The following TEX11 variants were observed in gnomAD, a reference collection of about 807,000 sequenced individuals.
TEX11 encodes testis-expressed protein 11.
A neutral mutation model predicts 84.4 loss-of-function variants in TEX11; 7 were observed. That is an observed-to-expected ratio of 0.08 (90% CI 0.05 to 0.16). TEX11 has a LOEUF of 0.16. Among genes scored for constraint, TEX11 ranks in the 10% least tolerant of loss-of-function variants. TEX11 has a pLI of 1.00. For synonymous variants in TEX11, 264 were observed against 222.8 expected, an observed-to-expected ratio of 1.18 and a Z score of -1.64; for missense variants, 551 against 660.5, an observed-to-expected ratio of 0.83 and a Z score of 1.82.
intron 5 of TEX11, chrX:70,857,322 C>T (rs1452454264): frequency 7.9e-6 from 1 of 126,274 alleles, no homozygotes; most frequent in Non-Finnish European, 1.6e-5. Flanking sequence ...GAGAAACTGG[C>T]AAACCTTTAT....
intron 9 of TEX11, among the ~76,000 whole-genome samples, chrX:70,792,888 C>T (rs1253495699): frequency 4.5e-5 from 5 of 110,919 alleles, no homozygotes; most frequent in African/African-American, 1.6e-4. Context: ...GCAGGAACAA[C>T]AAAAAACAAA....
intron 2 of TEX11, among the ~76,000 whole-genome samples, chrX:70,902,409 T>C (rs1487301840): frequency 8.9e-6 from 1 of 111,950 alleles, no homozygotes; most frequent in East Asian, 2.8e-4. Context: ...TACACTACTG[T>C]AGACTTTATA....
chrX:70,712,545 T>G (rs1321065287), intron 13 of TEX11, among the ~76,000 whole-genome samples: 1 of 111,489 alleles, frequency 9.0e-6, no homozygotes, highest in African/African-American at 3.3e-5. Flanking sequence ...TTATTCTCTT[T>G]GAAGCAACTG....
intron 26 of TEX11, 63 bp from the exon 27 acceptor site, chrX:70,553,477 C>G (rs1032934294): frequency 5.4e-6 from 4 of 740,365 alleles, no homozygotes; most frequent in Non-Finnish European, 7.8e-6. Context: ...GTTTTCATCC[C>G]AGGCTACCAC....
chrX:70,776,332 T>A (rs1376847893), intron 9 of TEX11, among the ~76,000 whole-genome samples: 1 of 109,894 alleles, frequency 9.1e-6, no homozygotes, highest in Admixed American at 9.7e-5. Context: ...GGGGCCGAGG[T>A]GGGTGGATTG....
intron 25 of TEX11, among the ~76,000 whole-genome samples, chrX:70,561,789 C>CACAT (rs1171732904): frequency 8.9e-6 from 1 of 112,016 alleles, no homozygotes; most frequent in Non-Finnish European, 1.9e-5. Flanking sequence ...TATATACACA[C>CACAT]ACATACATAC....
chrX:70,880,555 C>T (rs2091677350), intron 2 of TEX11, among the ~76,000 whole-genome samples: 1 of 88,000 alleles, frequency 1.1e-5, no homozygotes, highest in Non-Finnish European at 2.6e-5. Context: ...CAGAGTGAGA[C>T]CCTTTCTCTA....
chrX:70,550,022 AC>A (rs1449760449), intron 28 of TEX11, among the ~76,000 whole-genome samples: 1 of 112,324 alleles, frequency 8.9e-6, no homozygotes, highest in South Asian at 3.7e-4. Flanking sequence ...TGCTTGTATC[AC>A]CCCTCCTCCA....
intron 10 of TEX11, among the ~76,000 whole-genome samples, chrX:70,743,644 G>A (rs2090747981): frequency 9.0e-6 from 1 of 111,260 alleles, no homozygotes; most frequent in Non-Finnish European, 1.9e-5. Context: ...GAGAGGCCAA[G>A]GTGGGCAAAT....
chrX:70,787,366 T>G (rs764093173), intron 9 of TEX11, among the ~76,000 whole-genome samples: 12 of 108,279 alleles, frequency 1.1e-4, no homozygotes, highest in Non-Finnish European at 1.9e-4. Flanking sequence ...GAGTCTAGCT[T>G]TGTCACCAGG....
chrX:70,815,664 C>T (rs986478558), intron 8 of TEX11, among the ~76,000 whole-genome samples: 3 of 110,873 alleles, frequency 2.7e-5, no homozygotes, highest in African/African-American at 3.3e-5. Flanking sequence ...TGGTACTATC[C>T]GCAGTTTCAG....
chrX:70,571,658 C>T (rs2088600991), intron 25 of TEX11, among the ~76,000 whole-genome samples: 1 of 111,746 alleles, frequency 8.9e-6, no homozygotes, highest in Non-Finnish European at 1.9e-5. Context: ...AATCATCTTT[C>T]TGTTGTTGCT....
intron 11 of TEX11, among the ~76,000 whole-genome samples, chrX:70,729,976 C>G (rs1021281530): frequency 1.8e-5 from 2 of 112,328 alleles, no homozygotes; most frequent in Admixed American, 1.9e-4. Flanking sequence ...AGAAACTCTA[C>G]AAGCCAGAAG....
intron 5 of TEX11, among the ~76,000 whole-genome samples, chrX:70,857,844 GTA>G (rs941124358): frequency 1.5e-4 from 17 of 110,904 alleles, no homozygotes; most frequent in African/African-American, 5.6e-4. Context: ...AAAAACTGTG[GTA>G]TATATATATA....
chrX:70,889,155 C>T (rs910970602), intron 2 of TEX11, among the ~76,000 whole-genome samples: 8 of 110,883 alleles, frequency 7.2e-5, no homozygotes, highest in African/African-American at 2.3e-4. Flanking sequence ...GTGGCTCATC[C>T]CTGTAATCCC....
At position 70,683,703 on chromosome X, in the gene TEX11, G is replaced by A. The variant is rs1011571780; in HGVS notation, c.1005-878C>T. 2.4e-4 allele frequency among the ~76,000 whole-genome samples: 27 copies of A among 111,206 alleles called. No individual in the cohort carries two copies. In the Admixed American group the frequency reaches 2.6e-3, roughly 11 times the overall value. ...AAAATTAATATGGACTTTGCTCAAG[G>A]GACCCCAAAAGCCCTAAACAAACTT... On this transcript the variant is annotated intron_variant, in intron 13 of 29. Coordinates refer to ENST00000374333, the MANE Select transcript of TEX11 (RefSeq NM_031276.3).
chrX:70,752,534 A>AG (rs2090835455), intron 9 of TEX11, among the ~76,000 whole-genome samples: 1 of 107,656 alleles, frequency 9.3e-6, no homozygotes, highest in East Asian at 2.9e-4. Flanking sequence ...CAAAAAAAAA[A>AG]AAAAAAAAAA....
chrX:70,798,709 C>G (rs964904072), intron 9 of TEX11, among the ~76,000 whole-genome samples: 1 of 111,861 alleles, frequency 8.9e-6, no homozygotes, highest in Non-Finnish European at 1.9e-5. Context: ...AACTGATGAT[C>G]AACAAAGTTG....
chrX:70,643,307 G>A (rs1482544721), intron 17 of TEX11, among the ~76,000 whole-genome samples: 12 of 103,129 alleles, frequency 1.2e-4, no homozygotes, highest in African/African-American at 3.9e-4. Context: ...CATGCTCATG[G>A]GTAGGAAGAA....
Sources: gnomAD v4.1 joint callset for allele counts (sites outside exome capture counted in the v4.1 genomes callset) on GRCh38, gnomAD v4.1.1 for gene constraint, MANE v1.5 for transcripts, NCBI Gene and HGNC (gene_info 2026-07-23, HGNC 2026-07-21) for gene names.